ARMC8: variants seen among roughly 807,000 people sequenced by gnomAD.
ARMC8 encodes armadillo repeat containing 8, also known as armadillo repeat-containing protein 8.
Under a neutral mutation model 99.3 loss-of-function variants are expected in ARMC8, and 20 were observed. That is an observed-to-expected ratio of 0.20 (90% CI 0.14 to 0.29). ARMC8 has a LOEUF of 0.29. Among genes scored for constraint, ARMC8 ranks in the 10% least tolerant of loss-of-function variants. The probability of loss-of-function intolerance (pLI) is 1.00; values close to 1 mark genes in which losing one functional copy is unlikely to be tolerated. For synonymous variants in ARMC8, 263 were observed against 278.3 expected, an observed-to-expected ratio of 0.95 and a Z score of 0.55; for missense variants, 569 against 809.5, an observed-to-expected ratio of 0.70 and a Z score of 3.60.
At chr3:138,198,052 A>G (rs1379142997) in intron 1 of ARMC8, among the ~76,000 whole-genome samples, 2 of 152,172 alleles carry the variant, frequency 1.3e-5, no homozygotes, top group African/African-American at 2.4e-5. Context: ...CTACAGAGCC[A>G]GATGTGGTGC....
At chr3:138,207,225 C>G (rs2044422328) in intron 1 of ARMC8, among the ~76,000 whole-genome samples, 1 of 152,238 alleles carries the variant, frequency 6.6e-6, no homozygotes, top group Admixed American at 6.5e-5. Flanking sequence ...CCTGATTCCC[C>G]TGGTTTACAA....
At chr3:138,225,747 A>G (rs146961645) in intron 5 of ARMC8, among the ~76,000 whole-genome samples, 149 of 152,320 alleles carry the variant, frequency 9.8e-4, no homozygotes, top group Non-Finnish European at 1.7e-3. Flanking sequence ...CATATTGTCA[A>G]ATTGTACACA....
At chr3:138,237,137 A>G in intron 7 of ARMC8, 172 bp from the exon 8 acceptor site, 1 of 536,322 alleles carries the variant, frequency 1.9e-6, no homozygotes, top group Non-Finnish European at 3.2e-6. Flanking sequence ...TTTATAGTTA[A>G]TTTTAACTTA....
At chr3:138,225,286 G>A (rs760583239) in intron 5 of ARMC8, among the ~76,000 whole-genome samples, 12 of 151,912 alleles carry the variant, frequency 7.9e-5, no homozygotes, top group Non-Finnish European at 1.5e-4. Context: ...GATTTTTGTG[G>A]TTTTAGTAGA....
At chr3:138,290,698 G>A (rs2050854116) in intron 21 of ARMC8, 59 bp downstream of exon 21, 2 of 1,136,922 alleles carry the variant, frequency 1.8e-6, no homozygotes, top group African/African-American at 3.1e-5. Flanking sequence ...TCGTGAAAGG[G>A]TTTGAATTGC....
At chr3:138,234,685 C>T (rs905582564) in intron 6 of ARMC8, among the ~76,000 whole-genome samples, 34 of 152,280 alleles carry the variant, frequency 2.2e-4, no homozygotes, top group African/African-American at 7.5e-4. Flanking sequence ...CAGAATTCAT[C>T]GTGGCTCTAT....
At chr3:138,228,617 T>G in intron 5 of ARMC8, 1 of 454,574 alleles carries the variant, frequency 2.2e-6, no homozygotes, top group Non-Finnish European at 4.4e-6. Flanking sequence ...AGAACTGATT[T>G]CTGTCACTTC....
At chr3:138,231,196 A>G (rs1347739795) in intron 6 of ARMC8, among the ~76,000 whole-genome samples, 1 of 152,246 alleles carries the variant, frequency 6.6e-6, no homozygotes, top group Non-Finnish European at 1.5e-5. Flanking sequence ...TTACCGATAT[A>G]CTGACAACAT....
At chr3:138,245,442 T>A in intron 12 of ARMC8, 1 of 1,368,372 alleles carries the variant, frequency 7.3e-7, no homozygotes, top group South Asian at 1.9e-5. Flanking sequence ...ATATGAATTA[T>A]TATGTTGCAC....
At chr3:138,257,161 G>C (rs895357855) in intron 12 of ARMC8, among the ~76,000 whole-genome samples, 2 of 152,342 alleles carry the variant, frequency 1.3e-5, no homozygotes, top group African/African-American at 4.8e-5. Flanking sequence ...TGCAGTAAGA[G>C]AATTGGTTTT....
chr3:138,217,131 C>T (rs1000752582), intron 2 of ARMC8, among the ~76,000 whole-genome samples: 1 of 152,146 alleles, frequency 6.6e-6, no homozygotes, highest in Non-Finnish European at 1.5e-5. Context: ...TGTAAGTACA[C>T]TCTATGATGT....
In ARMC8 at chr3:138,295,928, T is replaced by G. The variant is rs2051446233; in HGVS notation, c.*36T>G. ...CCTGGGCACCTGCGAGCATCCCACC[T>G]CCTTGTTTAAGGAAGTACAGGAACC... On this transcript the variant is annotated 3_prime_UTR_variant, in exon 22 of 22. Coordinates refer to ENST00000469044, the MANE Select transcript of ARMC8 (RefSeq NM_001363941.2). The G allele has an allele frequency of 6.2e-7, 1 of 1,610,148 alleles. No individual in the cohort carries two copies. Among genetic ancestry groups the G allele is most frequent in the Admixed American group, 1.7e-5 (1 of 59,582 alleles).
rs145695620 is a variant in ARMC8, at chr3:138,262,362, G to A, written c.1135-1377G>A. 4,615 of 718,448 alleles carry A rather than the reference G, an allele frequency of 6.4e-3. 18 individuals carry two copies. Among genetic ancestry groups the A allele is most frequent in the Non-Finnish European group, 8.8e-3 (3,886 of 443,382 alleles). The allele number at this position is 718,448 out of a possible 1,614,324, so 44.5% of individuals were successfully genotyped here. The stretch of plus-strand genomic sequence containing the variant: ...AAATGTTTTGGAAACTAAAACACCA[G>A]ATAAAAATTACCATTCCTAATCTAC... On this transcript the variant is annotated intron_variant, in intron 12 of 21. Coordinates refer to ENST00000469044, the MANE Select transcript of ARMC8 (RefSeq NM_001363941.2).
intron 12 of ARMC8, chr3:138,246,477 T>C: frequency 1.0e-6 from 1 of 985,402 alleles, no homozygotes; most frequent in African/African-American, 1.7e-5. Context: ...GGGGAGAGGC[T>C]TTTATAACAA....
intron 12 of ARMC8, among the ~76,000 whole-genome samples, chr3:138,248,800 A>C (rs1315668604): frequency 6.6e-6 from 1 of 152,244 alleles, no homozygotes; most frequent in African/African-American, 2.4e-5. Flanking sequence ...AGTAAAGTGT[A>C]AATTAAAATT....
chr3:138,291,438 A>C (rs1367637182), intron 21 of ARMC8, among the ~76,000 whole-genome samples: 1 of 152,198 alleles, frequency 6.6e-6, no homozygotes, highest in African/African-American at 2.4e-5. Context: ...GTCCCCATTC[A>C]TTCATCAGAT....
At chr3:138,228,588 T>TA in intron 5 of ARMC8, 1 of 425,096 alleles carries the variant, frequency 2.4e-6, no homozygotes, top group South Asian at 1.8e-5. Flanking sequence ...ACGTACTAGT[T>TA]ACCTCACATT....
At chr3:138,205,676 G>A (rs955399079) in intron 1 of ARMC8, among the ~76,000 whole-genome samples, 26 of 152,000 alleles carry the variant, frequency 1.7e-4, no homozygotes, top group African/African-American at 5.6e-4. Context: ...TGTGGCTCAC[G>A]CCTGTAATCC....
In ARMC8 at chr3:138,262,374, C is replaced by A. The variant is rs1001611556; in HGVS notation, c.1135-1365C>A. On this transcript the variant is annotated intron_variant, in intron 12 of 21. Transcript: ENST00000469044. ...AACTAAAACACCAGATAAAAATTACCATTCCTAATCTACAGCTAAAATGTG... is the reference window on the plus strand; with the variant it reads ...AACTAAAACACCAGATAAAAATTACAATTCCTAATCTACAGCTAAAATGTG... 17 of 759,786 alleles carry A rather than the reference C, an allele frequency of 2.2e-5. No homozygotes were observed. In the African/African-American group the frequency reaches 2.4e-4, roughly 11 times the overall value. 47.1% of individuals were successfully genotyped at this position (759,786 alleles called of 1,614,324 possible). A position where few individuals can be genotyped will look rare whatever the true frequency, so the allele number is the denominator to read the frequency against.
Sources: gnomAD v4.1 joint callset for allele counts (sites outside exome capture counted in the v4.1 genomes callset) on GRCh38, gnomAD v4.1.1 for gene constraint, MANE v1.5 for transcripts, NCBI Gene and HGNC (gene_info 2026-07-23, HGNC 2026-07-21) for gene names.